Variants in RP1L1 observed in about 807,000 individuals in gnomAD.
RP1L1 encodes the protein retinitis pigmentosa 1-like 1 protein.
RP1L1 carries 27 observed loss-of-function variants against 15.7 expected under a neutral mutation model. The observed-to-expected ratio is 1.72, with a 90% CI of 1.27 to 2.38. The LOEUF (loss-of-function observed/expected upper bound fraction) is 2.38. RP1L1 is among the 30% of genes most tolerant of loss of function. The pLI is 0.00. For missense variants in RP1L1, 4,798 were observed against 3,075.9 expected (o/e 1.56, Z -13.24); for synonymous variants, 1,813 against 1,276.7 (o/e 1.42, Z -8.96).
At position 10,623,766 on chromosome 8, in the gene RP1L1, A is replaced by G. The variant is rs1798113871; in HGVS notation, c.-19-546T>C. Among the ~76,000 whole-genome samples, 3 of 151,984 alleles carry G rather than the reference A, an allele frequency of 2.0e-5. No homozygotes were observed. The South Asian group carries it at 6.2e-4, about 32-fold the overall frequency. The stretch of plus-strand genomic sequence containing the variant: ...CACTTACAGTCACCATGTCCCCAGC[A>G]TCACTATGTCCCCAGCACAGCACCA... On this transcript the variant is annotated intron_variant, in intron 1 of 3. Transcript: ENST00000382483.
intron 1 of RP1L1, among the ~76,000 whole-genome samples, chr8:10,638,341 G>C (rs1028678881): frequency 3.9e-5 from 6 of 152,184 alleles, no homozygotes; most frequent in Non-Finnish European, 5.9e-5. Context: ...GCATGAAATA[G>C]AAACTTCCCC....
At position 10,613,005 on chromosome 8, in the gene RP1L1, G is replaced by A. The variant is rs758874803; in HGVS notation, c.1093C>T (p.Leu365Phe). Residue 365 changes from leucine to phenylalanine, a missense_variant, in exon 4 of 4, where the codon CTC (leucine) becomes TTC (phenylalanine). By Grantham distance (22) the Leu-to-Phe change is conservative (BLOSUM62 0). Transcript: ENST00000382483. ...GGGTAGCCCTCCCACACACAGCAGA[G>A]GGGGTCTACCTCCCCCAGAACGGGG... is the stretch of plus-strand genomic sequence containing the variant. Reference protein sequence around the residue: ...EDPVLGEVDPLCCVWEGYPWG... With the variant: ...EDPVLGEVDPFCCVWEGYPWG... 1.2e-6 allele frequency: 2 copies of A among 1,613,430 alleles called. No homozygotes were observed. Among genetic ancestry groups the A allele is most frequent in the Non-Finnish European group, 8.5e-7 (1 of 1,179,970 alleles).
rs1563118849 is a variant in RP1L1 at position 10,606,901 on chromosome 8, A to T, written c.7197T>A (p.Asp2399Glu). ...RADGFGQDDLDF is the reference protein window; with the variant it reads ...RADGFGQDDLEF ...TTTTCTAGCTTGATCTTGTCTAGAA[A>T]TCTAAGTCATCTTGGCCAAAGCCGT... The change falls in exon 4 of 4, where the codon GAT becomes GAA. Residue 2399 changes from aspartate to glutamate, a missense_variant. By Grantham distance (45) the Asp-to-Glu change is conservative. Coordinates refer to ENST00000382483, the MANE Select transcript of RP1L1 (RefSeq NM_178857.6). 6.2e-7 allele frequency: 1 copy of T among 1,614,190 alleles called. No individual in the cohort carries two copies. The highest frequency in any genetic ancestry group is 2.2e-5 in the East Asian group (1 of 44,872).
Position 10,607,189 on chromosome 8 carries a change from T to G in RP1L1, c.6909A>C (p.Ala2303=). ...TCTGCCAGCAGTTGCCCCAAGAGGA[T>G]GCTCTGGAGGAGGAAGGGCCTGTTT... The part of the protein sequence containing the change: ...GSQTGPSSSR[A]SSWGNCWQKD... Residue 2303 remains alanine, a synonymous_variant, in exon 4 of 4, where the codon GCA becomes GCC. Coordinates refer to ENST00000382483, the MANE Select transcript of RP1L1 (RefSeq NM_178857.6). The G allele has an allele frequency of 6.2e-7, 1 of 1,614,212 alleles. No homozygotes were observed. Among genetic ancestry groups the G allele is most frequent in the Non-Finnish European group, 8.5e-7 (1 of 1,180,026 alleles).
chr8:10,648,127 G>T (rs559541006), intron 1 of RP1L1, among the ~76,000 whole-genome samples: 2 of 152,068 alleles, frequency 1.3e-5, no homozygotes, highest in Admixed American at 6.5e-5. Context: ...CACCTCTTGG[G>T]TTCAAGCGAT....
At chr8:10,635,142 T>C (rs1798309656) in intron 1 of RP1L1, among the ~76,000 whole-genome samples, 1 of 152,174 alleles carries the variant, frequency 6.6e-6, no homozygotes, top group Non-Finnish European at 1.5e-5. Context: ...GCGGTCTTCA[T>C]CTGATCTTGC....
Position 10,608,595 on chromosome 8 carries a change from T to A in RP1L1, c.5503A>T (p.Ile1835Leu). The A allele has an allele frequency of 6.2e-7, 1 of 1,614,166 alleles. No individual in the cohort carries two copies. The highest frequency in any genetic ancestry group is 8.5e-7 in the Non-Finnish European group (1 of 1,180,022). The part of the protein sequence containing the change: ...DPGQSDGAEG[I>L]EAPEAEGEAQ... ...TCCCCTTCAGCCTCCGGGGCCTCTATGCCTTCGGCCCCATCACTCTGTCCT... is the reference window on the plus strand; with the variant it reads ...TCCCCTTCAGCCTCCGGGGCCTCTAAGCCTTCGGCCCCATCACTCTGTCCT... Residue 1835 changes from isoleucine to leucine, a missense_variant, in exon 4 of 4, where the codon ATA becomes TTA. Physicochemically the swap from Ile to Leu is conservative, Grantham distance 5. Transcript: ENST00000382483.
chr8:10,610,998 T>C lies in RP1L1; in HGVS notation c.3100A>G (p.Thr1034Ala), dbSNP rs1462726975. ...ACACCCTCTCCTGATTGGGGACCAG[T>C]GTCACTACTCCCCAGGAGGGCTCCC... ...PEGALLGSSD[T>A]GPQSGEGVPQ... The change falls in exon 4 of 4, where the codon ACT becomes GCT. Residue 1034 changes from threonine (T) to alanine (A), a missense_variant. By Grantham distance (58) the Thr-to-Ala change is moderately conservative (BLOSUM62 0). Transcript: ENST00000382483. 1 of 1,612,584 alleles carries C rather than the reference T, an allele frequency of 6.2e-7. No homozygotes were observed. The highest frequency in any genetic ancestry group is 1.1e-5 in the South Asian group (1 of 91,076).
chr8:10,622,740 T>C lies in RP1L1; in HGVS notation c.462A>G (p.Ile154Met), dbSNP rs1798083172. ...GAGGGTCCATGTTCTTAATCAGCAG[T>C]ATCCTCCGGGGGGTTTTAAGACTCT... ...SRKSLKTPRR[I>M]LLIKNMDPRL... The change falls in exon 2 of 4, where the codon ATA becomes ATG. Residue 154 changes from isoleucine (I) to methionine (M), a missense_variant. By Grantham distance (10) the Ile-to-Met change is conservative (BLOSUM62 1). Coordinates refer to ENST00000382483, the MANE Select transcript of RP1L1 (RefSeq NM_178857.6). 1.9e-6 allele frequency: 3 copies of C among 1,613,950 alleles called. No homozygotes were observed. The highest frequency in any genetic ancestry group is 2.5e-6 in the Non-Finnish European group (3 of 1,179,996).
At position 10,610,644 on chromosome 8, in the gene RP1L1, T is replaced by G. The variant is rs776356110; in HGVS notation, c.3454A>C (p.Ser1152Arg). ...KDSPRYQELL[S>R]ISKDLWPGCD... ...CCTGGCCACAGGTCCTTCGAGATGC[T>G]GAGCAGCTCCTGGTACCGAGGGGAG... The change falls in exon 4 of 4, where the codon AGC (serine) becomes CGC (arginine). Residue 1152 changes from serine (S) to arginine (R), a missense_variant. Ser to Arg is a moderately radical substitution (Grantham distance 110). Coordinates refer to ENST00000382483, the MANE Select transcript of RP1L1 (RefSeq NM_178857.6). The G allele has an allele frequency of 1.2e-6, 2 of 1,612,204 alleles. No homozygotes were observed. The highest frequency in any genetic ancestry group is 2.7e-5 in the African/African-American group (2 of 74,894).
intron 1 of RP1L1, among the ~76,000 whole-genome samples, chr8:10,627,305 A>C (rs932805371): frequency 5.3e-5 from 8 of 152,206 alleles, no homozygotes; most frequent in African/African-American, 1.9e-4. Context: ...CTCAACCTTA[A>C]AAAGGTAGGA....
chr8:10,648,830 C>T (rs545226754), intron 1 of RP1L1, among the ~76,000 whole-genome samples: 3 of 152,366 alleles, frequency 2.0e-5, no homozygotes, highest in Admixed American at 6.5e-5. Context: ...TAATGTTCCC[C>T]GTTCCCAGCA....
At chr8:10,645,528 A>G (rs1316246656) in intron 1 of RP1L1, among the ~76,000 whole-genome samples, 1 of 152,270 alleles carries the variant, frequency 6.6e-6, no homozygotes, top group East Asian at 1.9e-4. Flanking sequence ...GTCCAATATC[A>G]CTTTGTACAG....
chr8:10,614,026 A>G (rs1056881436), intron 3 of RP1L1, among the ~76,000 whole-genome samples: 1 of 152,152 alleles, frequency 6.6e-6, no homozygotes, highest in Non-Finnish European at 1.5e-5. Context: ...GTGCATATAA[A>G]ACTTCCTTTA....
At chr8:10,631,687 G>A (rs995746156) in intron 1 of RP1L1, among the ~76,000 whole-genome samples, 2 of 152,184 alleles carry the variant, frequency 1.3e-5, no homozygotes, top group Non-Finnish European at 2.9e-5. Context: ...GCTGGAGCTG[G>A]CTCTCAGACC....
At chr8:10,620,635 C>A (rs946182887) in intron 2 of RP1L1, among the ~76,000 whole-genome samples, 2 of 152,124 alleles carry the variant, frequency 1.3e-5, no homozygotes, top group African/African-American at 4.8e-5. Context: ...AACAGTGGCC[C>A]CATGGAGCTG....
intron 1 of RP1L1, among the ~76,000 whole-genome samples, chr8:10,647,092 T>C (rs1798490792): frequency 6.6e-6 from 1 of 152,226 alleles, no homozygotes; most frequent in African/African-American, 2.4e-5. Context: ...AGGAAAGAGC[T>C]GTCCCGCCTT....
chr8:10,606,850 A>T lies in RP1L1; in HGVS notation c.*45T>A. 6.2e-7 allele frequency: 1 copy of T among 1,612,526 alleles called. No individual in the cohort carries two copies. The highest frequency in any genetic ancestry group is 8.5e-7 in the Non-Finnish European group (1 of 1,179,990). On this transcript the variant is annotated 3_prime_UTR_variant, in exon 4 of 4. Transcript: ENST00000382483. ...AGTTTTGTAGAAAAAATATGAATAA[A>T]AACAGAGCTCCCAAGCTCGTGATTG...
chr8:10,654,086 C>T (rs1798603541), intron 1 of RP1L1, among the ~76,000 whole-genome samples: 1 of 152,158 alleles, frequency 6.6e-6, no homozygotes, highest in Admixed American at 6.5e-5. Flanking sequence ...CGCGCTGGAC[C>T]TCGTCTGAGG....
Sources: gnomAD v4.1 joint callset for allele counts (sites outside exome capture counted in the v4.1 genomes callset) on GRCh38, gnomAD v4.1.1 for gene constraint, MANE v1.5 for transcripts, NCBI Gene and HGNC (gene_info 2026-07-23, HGNC 2026-07-21) for gene names.